LTBP1: variants seen among roughly 807,000 people sequenced by gnomAD.
The protein encoded by LTBP1 is latent-transforming growth factor beta-binding protein 1.
Under a neutral mutation model 207.6 loss-of-function variants are expected in LTBP1, and 129 were observed. The observed-to-expected ratio is 0.62, with a 90% confidence interval of 0.54 to 0.72. The LOEUF (loss-of-function observed/expected upper bound fraction) is 0.72. Among genes scored for constraint, LTBP1 ranks in the 30% least tolerant of loss-of-function variants. The probability of loss-of-function intolerance (pLI) is 0.00; values close to 1 mark genes in which losing one functional copy is unlikely to be tolerated. For missense variants in LTBP1, 2,281 were observed against 2,217.2 expected (o/e 1.03, Z -0.58); for synonymous variants, 963 against 833.7 (o/e 1.16, Z -2.67).
In LTBP1 at chr2:33,243,741, C is replaced by G. The variant is rs1573390123; in HGVS notation, c.1956C>G (p.Cys652Trp). 6.2e-7 allele frequency: 1 copy of G among 1,614,062 alleles called. No individual in the cohort carries two copies. Among genetic ancestry groups the G allele is most frequent in the Non-Finnish European group, 8.5e-7 (1 of 1,179,942 alleles). The change falls in exon 10 of 34, where the codon TGC becomes TGG. Residue 652 changes from cysteine (C) to tryptophan (W), a missense_variant. Around this residue, in one of 3 missense-constraint regions of LTBP1, gnomAD observed 1,671 missense variants for 1,634.8 expected, o/e 1.02. Transcript: ENST00000404816. ...LNTMGSYRCT[C>W]KIGFGPDPTF... ...CCATGGGCAGCTATCGATGTACCTG[C>G]AAAATAGGATTTGGGCCGGATCCTA...
chr2:32,973,664 T>C (rs1289047562), intron 2 of LTBP1, among the ~76,000 whole-genome samples: 1 of 152,188 alleles, frequency 6.6e-6, no homozygotes. Context: ...CACCCTATTG[T>C]GCTATCAGAC....
rs147085107 is a variant in LTBP1, at chr2:33,229,716, C to G, written c.1876+7565C>G. Among the ~76,000 whole-genome samples, 336 of 152,314 alleles carry G rather than the reference C, an allele frequency of 2.2e-3. 3 individuals carry two copies. The highest frequency in any genetic ancestry group is 6.8e-3 in the Middle Eastern group (2 of 294). On this transcript the variant is annotated intron_variant, in intron 9 of 33. Transcript: ENST00000404816. Reference sequence around the variant, plus strand: ...CATTTTCCTCTGTCGGTACGGCTGACTGACCCTTAGCAAACTTTGTTCATA... The same window carrying G: ...CATTTTCCTCTGTCGGTACGGCTGAGTGACCCTTAGCAAACTTTGTTCATA...
Position 32,947,126 on chromosome 2 carries a change from CCAGCCACA to C in LTBP1, c.-198_-191del, listed in dbSNP as rs1323587012. ...CCACCCCCACGCCCTCCTCCTGCTCCCAGCCACAATCGGCCGGGGTCTGGGGCCGCTCA... is the reference window on the plus strand; with the variant it reads ...CCACCCCCACGCCCTCCTCCTGCTCCATCGGCCGGGGTCTGGGGCCGCTCA... On this transcript the variant is annotated 5_prime_UTR_variant, in exon 1 of 34. Transcript: ENST00000404816. The C allele has an allele frequency of 1.1e-5, 4 of 358,344 alleles. No homozygotes were observed. The highest frequency in any genetic ancestry group is 2.1e-5 in the African/African-American group (1 of 46,952). 22.2% of individuals were successfully genotyped at this position (358,344 alleles called of 1,614,324 possible). A position where few individuals can be genotyped will look rare whatever the true frequency, so the allele number is the denominator to read the frequency against.
intron 19 of LTBP1, among the ~76,000 whole-genome samples, chr2:33,284,111 A>G (rs1353999007): frequency 6.6e-6 from 1 of 152,190 alleles, no homozygotes; most frequent in Admixed American, 6.5e-5. Flanking sequence ...AGACTAAATG[A>G]TGAACTTGGT....
intron 3 of LTBP1, among the ~76,000 whole-genome samples, chr2:33,038,543 T>C (rs2076033876): frequency 6.6e-6 from 1 of 152,252 alleles, no homozygotes; most frequent in South Asian, 2.1e-4. Context: ...TCTCTTACTT[T>C]CTTGACATCT....
intron 5 of LTBP1, among the ~76,000 whole-genome samples, chr2:33,155,024 T>C (rs2083854977): frequency 6.6e-6 from 1 of 152,098 alleles, no homozygotes; most frequent in African/African-American, 2.4e-5. Flanking sequence ...GATCATGCCA[T>C]TGCATTCCAG....
chr2:33,124,928 T>G (rs968907180), intron 4 of LTBP1, among the ~76,000 whole-genome samples: 1 of 152,236 alleles, frequency 6.6e-6, no homozygotes, highest in Non-Finnish European at 1.5e-5. Context: ...TTGTATTCTT[T>G]CCCTTTGAAC....
intron 2 of LTBP1, among the ~76,000 whole-genome samples, chr2:32,983,713 C>T (rs1276261433): frequency 6.6e-6 from 1 of 152,214 alleles, no homozygotes; most frequent in Non-Finnish European, 1.5e-5. Context: ...TTCCCCTGCA[C>T]ACACTCTCAT....
At chr2:33,330,849 G>A (rs936982872) in intron 24 of LTBP1, among the ~76,000 whole-genome samples, 5 of 148,132 alleles carry the variant, frequency 3.4e-5, no homozygotes, top group Admixed American at 1.3e-4. Flanking sequence ...AGAATTCACC[G>A]GTAAAGTCAT....
intron 3 of LTBP1, among the ~76,000 whole-genome samples, chr2:33,102,599 A>C (rs2079800308): frequency 6.6e-6 from 1 of 152,106 alleles, no homozygotes; most frequent in Admixed American, 6.5e-5. Flanking sequence ...TTAGTCGAAG[A>C]CAATTTTTAT....
Position 33,145,116 on chromosome 2 carries a change from T to C in LTBP1, c.1201+10156T>C, listed in dbSNP as rs181219522. 9.8e-5 allele frequency among the ~76,000 whole-genome samples: 15 copies of C among 152,342 alleles called. No homozygotes were observed. The East Asian group carries it at 2.7e-3, about 27-fold the overall frequency. ...TGTGATACTGTCATTGATATACTTA[T>C]TAAAACTTGATTTTCTATTTAGTTG... On this transcript the variant is annotated intron_variant, in intron 5 of 33. Transcript: ENST00000404816.
At chr2:33,149,255 A>AAAG (rs2083323507) in intron 5 of LTBP1, among the ~76,000 whole-genome samples, 1 of 147,342 alleles carries the variant, frequency 6.8e-6, no homozygotes, top group Admixed American at 7.3e-5. Flanking sequence ...AAAAAAAAAA[A>AAAG]GAGAGGGAGC....
chr2:33,202,441 T>A (rs114859118), intron 7 of LTBP1, among the ~76,000 whole-genome samples: 144 of 152,330 alleles, frequency 9.5e-4, no homozygotes, highest in African/African-American at 3.4e-3. Flanking sequence ...CATTGAGTTC[T>A]GCTCAGAAAC....
chr2:33,164,133 G>A (rs372621188), intron 5 of LTBP1, among the ~76,000 whole-genome samples: 7 of 151,664 alleles, frequency 4.6e-5, no homozygotes, highest in African/African-American at 1.4e-4. Context: ...GGCAGATCAC[G>A]AGTTCAGGAG....
At chr2:33,050,069 C>T (rs1451412792) in intron 3 of LTBP1, among the ~76,000 whole-genome samples, 1 of 152,024 alleles carries the variant, frequency 6.6e-6, no homozygotes, top group African/African-American at 2.4e-5. Flanking sequence ...GTCTCGAACT[C>T]CCGGCCTCAA....
chr2:33,272,790 C>T (rs2093349251), intron 15 of LTBP1, among the ~76,000 whole-genome samples: 1 of 152,180 alleles, frequency 6.6e-6, no homozygotes, highest in South Asian at 2.1e-4. Context: ...ATTAGACCTT[C>T]TTACAAAGGA....
chr2:33,247,232 A>G (rs1426545386), intron 10 of LTBP1, among the ~76,000 whole-genome samples: 1 of 152,264 alleles, frequency 6.6e-6, no homozygotes, highest in Non-Finnish European at 1.5e-5. Flanking sequence ...GGAAGTCATG[A>G]GAGAAAGGGC....
intron 20 of LTBP1, among the ~76,000 whole-genome samples, chr2:33,296,483 A>G (rs1394722572): frequency 6.6e-6 from 1 of 152,070 alleles, no homozygotes; most frequent in East Asian, 1.9e-4. Flanking sequence ...GGTTCATGGT[A>G]TGACCTTGGG....
chr2:33,062,684 C>T (rs1266893988), intron 3 of LTBP1, among the ~76,000 whole-genome samples: 3 of 152,136 alleles, frequency 2.0e-5, no homozygotes, highest in African/African-American at 7.2e-5. Flanking sequence ...GTACAGTAAT[C>T]GCCTCTTTAT....
Sources: allele counts gnomAD v4.1 joint callset (sites outside exome capture counted in the v4.1 genomes callset), GRCh38; gene constraint gnomAD v4.1.1; regional missense constraint gnomAD v4.1.1; transcripts MANE v1.5; gene names NCBI Gene and HGNC (gene_info 2026-07-23, HGNC 2026-07-21).